The following MAPKBP1 variants were observed in gnomAD, a reference collection of about 807,000 sequenced individuals.
The protein encoded by MAPKBP1 is mitogen-activated protein kinase binding protein 1.
Under a neutral mutation model 170.5 loss-of-function variants are expected in MAPKBP1, and 71 were observed. The ratio of observed to expected loss-of-function variants is 0.42; its 90% CI spans 0.34 to 0.51. MAPKBP1 has a LOEUF of 0.51. Among genes scored for constraint, MAPKBP1 ranks in the 20% least tolerant of loss-of-function variants. The pLI is 0.06. For synonymous variants in MAPKBP1, 719 were observed against 757.9 expected, an observed-to-expected ratio of 0.95 and a Z score of 0.84; for missense variants, 1,598 against 1,933.0, an observed-to-expected ratio of 0.83 and a Z score of 3.25.
chr15:41,775,217 G>A lies in MAPKBP1; in HGVS notation c.-59G>A, dbSNP rs1596055768. ...CCCTCTGGAGTGGGAAGACAGTGCCGCTGTTGAGACAAGACCCAGGACTGG... is the reference window on the plus strand; with the variant it reads ...CCCTCTGGAGTGGGAAGACAGTGCCACTGTTGAGACAAGACCCAGGACTGG... On this transcript the variant is annotated 5_prime_UTR_variant, in exon 2 of 31. Transcript: ENST00000457542. The A allele has an allele frequency of 7.2e-7, 1 of 1,386,252 alleles. No individual in the cohort carries two copies. Among genetic ancestry groups the A allele is most frequent in the South Asian group, 1.2e-5 (1 of 85,266 alleles). The allele number at this position is 1,386,252 out of a possible 1,614,324, so 85.9% of individuals were successfully genotyped here.
intron 2 of MAPKBP1, among the ~76,000 whole-genome samples, chr15:41,799,111 T>A (rs898107668): frequency 1.3e-5 from 2 of 152,148 alleles, no homozygotes; most frequent in Admixed American, 1.3e-4. Context: ...ATGAGAGTGA[T>A]GAGTGTCTCC....
At chr15:41,805,782 C>T (rs1253709877) in intron 3 of MAPKBP1, among the ~76,000 whole-genome samples, 2 of 152,172 alleles carry the variant, frequency 1.3e-5, no homozygotes, top group Admixed American at 6.5e-5. Flanking sequence ...GTAGGGTATT[C>T]GCCAGGGACA....
chr15:41,820,073 G>A (rs1369254699), intron 22 of MAPKBP1, among the ~76,000 whole-genome samples: 13 of 152,200 alleles, frequency 8.5e-5, no homozygotes, highest in Admixed American at 7.2e-4. Context: ...TAAAGATCCC[G>A]GTTAGGAGGT....
chr15:41,786,991 C>T (rs2064309834), intron 2 of MAPKBP1, among the ~76,000 whole-genome samples: 1 of 150,434 alleles, frequency 6.6e-6, no homozygotes, highest in African/African-American at 2.5e-5. Flanking sequence ...CTCTGCCTCC[C>T]AGGTTCAAGC....
chr15:41,791,384 A>G (rs1384877536), intron 2 of MAPKBP1, among the ~76,000 whole-genome samples: 1 of 152,134 alleles, frequency 6.6e-6, no homozygotes, highest in African/African-American at 2.4e-5. Context: ...CTCCCGTGCC[A>G]TTGCAGACTT....
At chr15:41,782,347 T>A (rs1004812935) in intron 2 of MAPKBP1, among the ~76,000 whole-genome samples, 2 of 152,026 alleles carry the variant, frequency 1.3e-5, no homozygotes, top group Non-Finnish European at 2.9e-5. Context: ...GATAAATGAT[T>A]TCCCCGTGTA....
intron 2 of MAPKBP1, among the ~76,000 whole-genome samples, chr15:41,781,446 TCTC>T (rs2064187052): frequency 6.6e-6 from 1 of 151,522 alleles, no homozygotes; most frequent in Non-Finnish European, 1.5e-5. Flanking sequence ...ATGCCTTATC[TCTC>T]CTCCTAAAAC....
chr15:41,813,794 G>A lies in MAPKBP1; in HGVS notation c.980+13G>A. On this transcript the variant is annotated intron_variant, in intron 9 of 30. Transcript: ENST00000457542. ...TCACCGAGGCCAGGTGAGCTATGTGGGCCCCCCTTCCTCCATTTGTAGCCT... is the reference window on the plus strand; with the variant it reads ...TCACCGAGGCCAGGTGAGCTATGTGAGCCCCCCTTCCTCCATTTGTAGCCT... 1 of 1,570,440 alleles carries A rather than the reference G, an allele frequency of 6.4e-7. No homozygotes were observed. Among genetic ancestry groups the A allele is most frequent in the Non-Finnish European group, 8.6e-7 (1 of 1,159,094 alleles).
chr15:41,799,474 T>G (rs573853582), intron 2 of MAPKBP1, among the ~76,000 whole-genome samples: 2 of 151,958 alleles, frequency 1.3e-5, no homozygotes, highest in African/African-American at 4.8e-5. Flanking sequence ...GACCCAAGAG[T>G]CTAGTCTGGG....
In MAPKBP1 at chr15:41,792,120, T is replaced by C. The variant is rs573149853; in HGVS notation, c.115-7703T>C. 4.7e-5 allele frequency among the ~76,000 whole-genome samples: 7 copies of C among 149,658 alleles called. No individual in the cohort carries two copies. In the South Asian group the frequency reaches 1.5e-3, roughly 33 times the overall value. On this transcript the variant is annotated intron_variant, in intron 2 of 30. Transcript: ENST00000457542. The stretch of plus-strand genomic sequence containing the variant: ...TGTTCTATCTAGTATGAATGAGCAG[T>C]CCTGTCTCTTGCCTCTACGCCACCT...
chr15:41,822,165 G>A (rs972572315), intron 25 of MAPKBP1, 55 bp downstream of exon 25: 2 of 1,596,018 alleles, frequency 1.3e-6, no homozygotes, highest in East Asian at 4.5e-5. Flanking sequence ...GGAGGTGGGT[G>A]GGGAGGCTCT....
intron 28 of MAPKBP1, 78 bp downstream of exon 28, chr15:41,823,300 G>T (rs1207296154): frequency 1.3e-5 from 21 of 1,555,832 alleles, no homozygotes; most frequent in Non-Finnish European, 8.7e-7. Context: ...GGAGGGCCTG[G>T]TGTGGCCCTG....
intron 2 of MAPKBP1, among the ~76,000 whole-genome samples, chr15:41,788,947 G>T (rs1450657213): frequency 6.6e-6 from 1 of 152,160 alleles, no homozygotes; most frequent in Non-Finnish European, 1.5e-5. Context: ...TGTGTTGAAG[G>T]CCTAAACTGG....
At chr15:41,814,281 T>G (rs2064852928) in intron 9 of MAPKBP1, among the ~76,000 whole-genome samples, 1 of 152,094 alleles carries the variant, frequency 6.6e-6, no homozygotes, top group Non-Finnish European at 1.5e-5. Flanking sequence ...GTAGTCTTGT[T>G]TTTGTTTTGC....
In MAPKBP1 at chr15:41,810,865, G is replaced by T. The variant is rs1387817210; in HGVS notation, c.207-18G>T. On this transcript the variant is annotated intron_variant, in intron 3 of 30. Coordinates refer to ENST00000457542, the MANE Select transcript of MAPKBP1 (RefSeq NM_014994.3). ...GCTGTGGTTTGCTGCTGAGCCTGTTGTCTGCTCATCTCCTCAGGTGTGTGG... is the reference window on the plus strand; with the variant it reads ...GCTGTGGTTTGCTGCTGAGCCTGTTTTCTGCTCATCTCCTCAGGTGTGTGG... 3 of 1,613,702 alleles carry T rather than the reference G, an allele frequency of 1.9e-6. No individual in the cohort carries two copies. The highest frequency in any genetic ancestry group is 2.5e-6 in the Non-Finnish European group (3 of 1,179,672).
At chr15:41,797,157 T>G (rs1375917705) in intron 2 of MAPKBP1, among the ~76,000 whole-genome samples, 2 of 152,142 alleles carry the variant, frequency 1.3e-5, no homozygotes, top group Non-Finnish European at 2.9e-5. Context: ...AATTGGATCA[T>G]CTACCCACAA....
At chr15:41,790,383 A>G (rs1193245951) in intron 2 of MAPKBP1, among the ~76,000 whole-genome samples, 1 of 152,072 alleles carries the variant, frequency 6.6e-6, no homozygotes, top group African/African-American at 2.4e-5. Context: ...GGGGAAGTGG[A>G]TAGGGTGGGG....
intron 22 of MAPKBP1, 69 bp from the exon 23 acceptor site, chr15:41,820,763 T>TA (rs2152083420): frequency 1.8e-6 from 2 of 1,128,642 alleles, no homozygotes; most frequent in African/African-American, 3.1e-5. Context: ...TAGTAAGGGA[T>TA]ATGTGGATAT....
chr15:41,810,769 G>T, intron 3 of MAPKBP1, 114 bp from the exon 4 acceptor site: 1 of 720,430 alleles, frequency 1.4e-6, no homozygotes, highest in Non-Finnish European at 2.4e-6. Context: ...GAGCCCTTCT[G>T]AGCTCTTTCT....
Sources: gnomAD v4.1 joint callset for allele counts (sites outside exome capture counted in the v4.1 genomes callset) on GRCh38, gnomAD v4.1.1 for gene constraint, MANE v1.5 for transcripts, NCBI Gene and HGNC (gene_info 2026-07-23, HGNC 2026-07-21) for gene names.